CPLX2: variants seen among roughly 807,000 people sequenced by gnomAD.
CPLX2 encodes the protein complexin-2.
In CPLX2, 5 loss-of-function variants were observed where a neutral mutation model predicts 16.3. The ratio of observed to expected loss-of-function variants is 0.31; its 90% CI spans 0.16 to 0.64. CPLX2 has a LOEUF of 0.64. Ranked by LOEUF, CPLX2 falls within the 30% of genes least tolerant of loss-of-function variation. The pLI is 0.79. For missense variants in CPLX2, 144 were observed against 181.4 expected (o/e 0.79, Z 1.18); for synonymous variants, 89 against 73.2 (o/e 1.22, Z -1.10).
chr5:175,857,382 A>G (rs1387018808), intron 2 of CPLX2, among the ~76,000 whole-genome samples: 1 of 152,156 alleles, frequency 6.6e-6, no homozygotes, highest in Non-Finnish European at 1.5e-5. Context: ...ACTCTGAATT[A>G]TCTTTCCATT....
chr5:175,819,682 T>C (rs1031718016), intron 2 of CPLX2, among the ~76,000 whole-genome samples: 7 of 152,190 alleles, frequency 4.6e-5, no homozygotes. Flanking sequence ...CAGGGGCATC[T>C]CTTAGGTACC....
chr5:175,878,616 G>A, intron 1 of CPLX2, 36 bp from the exon 2 acceptor site: 2 of 1,095,270 alleles, frequency 1.8e-6, no homozygotes, highest in Middle Eastern at 2.8e-4. Flanking sequence ...CCTGTGCAGA[G>A]GCCTCTCCCA....
intron 2 of CPLX2, among the ~76,000 whole-genome samples, chr5:175,855,562 G>A (rs952696218): frequency 3.3e-5 from 5 of 152,332 alleles, no homozygotes; most frequent in African/African-American, 4.8e-5. Flanking sequence ...AAATGTGACC[G>A]AGGTTCAGCC....
At chr5:175,818,586 C>T (rs1043512898) in intron 2 of CPLX2, among the ~76,000 whole-genome samples, 4 of 150,076 alleles carry the variant, frequency 2.7e-5, no homozygotes, top group African/African-American at 4.9e-5. Context: ...CTTGCCATCA[C>T]GGAAGCTCCC....
chr5:175,815,248 C>T (rs550979968), intron 2 of CPLX2, among the ~76,000 whole-genome samples: 1 of 152,248 alleles, frequency 6.6e-6, no homozygotes, highest in South Asian at 2.1e-4. Flanking sequence ...GGCTGGGGGC[C>T]CTAGGGGAAG....
chr5:175,854,129 A>T (rs6860420), intron 2 of CPLX2, among the ~76,000 whole-genome samples: 11 of 151,994 alleles, frequency 7.2e-5, no homozygotes, highest in Non-Finnish European at 4.4e-5. Context: ...CCCTGTCCCC[A>T]GCACCCCTGA....
chr5:175,797,161 G>T (rs534439437), intron 1 of CPLX2, among the ~76,000 whole-genome samples: 1 of 152,214 alleles, frequency 6.6e-6, no homozygotes, highest in African/African-American at 2.4e-5. Context: ...CCGCGGCGGC[G>T]GACAGCTCTC....
chr5:175,856,136 TGCGACCTTG>T, intron 2 of CPLX2, among the ~76,000 whole-genome samples: 1 of 152,354 alleles, frequency 6.6e-6, no homozygotes, highest in South Asian at 2.1e-4. Flanking sequence ...CTTCTAGTTG[TGCGACCTTG>T]GCAAGTTTCC....
At chr5:175,859,785 C>T (rs1439555113) in intron 2 of CPLX2, among the ~76,000 whole-genome samples, 1 of 152,188 alleles carries the variant, frequency 6.6e-6, no homozygotes, top group East Asian at 1.9e-4. Context: ...GGTCAAGATG[C>T]AGCTTAGAGA....
intron 2 of CPLX2, among the ~76,000 whole-genome samples, chr5:175,847,917 T>A (rs1173019431): frequency 6.6e-6 from 1 of 152,250 alleles, no homozygotes; most frequent in African/African-American, 2.4e-5. Flanking sequence ...TTATGGCCTC[T>A]GATGCTGACA....
intron 2 of CPLX2, among the ~76,000 whole-genome samples, chr5:175,829,289 A>G (rs1397243977): frequency 2.0e-5 from 3 of 152,240 alleles, no homozygotes; most frequent in African/African-American, 7.2e-5. Flanking sequence ...CAATTGTCTG[A>G]AACCAGCTGG....
chr5:175,858,304 T>A (rs1266554838), intron 2 of CPLX2, among the ~76,000 whole-genome samples: 1 of 152,214 alleles, frequency 6.6e-6, no homozygotes, highest in Admixed American at 6.5e-5. Flanking sequence ...CATACCCACT[T>A]ACCCCTCTTC....
Position 175,880,378 on chromosome 5 carries a change from T to G in CPLX2, c.*333T>G. On this transcript the variant is annotated 3_prime_UTR_variant, in exon 4 of 4. Transcript: ENST00000393745. ...CTCCCCACTGCCAGGAGGACCACTG[T>G]CCCCAGCCAGCCAAAGTAATGACAC... The G allele has an allele frequency of 2.5e-6, 1 of 395,222 alleles. No individual in the cohort carries two copies. The highest frequency in any genetic ancestry group is 2.1e-5 in the South Asian group (1 of 47,562). 24.5% of individuals were successfully genotyped at this position (395,222 alleles called of 1,614,324 possible). A position where few individuals can be genotyped will look rare whatever the true frequency, so the allele number is the denominator to read the frequency against.
intron 2 of CPLX2, among the ~76,000 whole-genome samples, chr5:175,838,538 G>A (rs1051441366): frequency 1.3e-5 from 2 of 152,144 alleles, no homozygotes; most frequent in Non-Finnish European, 2.9e-5. Flanking sequence ...AAAAGTGCGC[G>A]TGAGCCACCG....
At chr5:175,808,009 C>G (rs7710549) in intron 1 of CPLX2, among the ~76,000 whole-genome samples, 92,354 of 152,070 alleles carry the variant, frequency 0.61, 28,718 homozygotes, top group East Asian at 0.71. Context: ...GCAGGGCTAT[C>G]GTTACTAAAA....
At position 175,878,969 on chromosome 5, in the gene CPLX2, G is replaced by A; in HGVS notation, c.93G>A (p.Gln31=). The change falls in exon 3 of 4, where the codon CAG becomes CAA. Residue 31 remains glutamine, a synonymous_variant. Coordinates refer to ENST00000393745, the MANE Select transcript of CPLX2 (RefSeq NM_001008220.2). ...GGEEEKDPDA[Q]KKEEERQEAL... is the part of the protein sequence containing the mutation. ...AGGAGGAGAAGGACCCCGACGCGCA[G>A]AAAAAGGAGGAGGAGCGGCAGGAGG... 1 of 1,609,280 alleles carries A rather than the reference G, an allele frequency of 6.2e-7. No homozygotes were observed. Among genetic ancestry groups the A allele is most frequent in the Non-Finnish European group, 8.5e-7 (1 of 1,177,956 alleles).
chr5:175,858,015 C>T (rs1759293453), intron 2 of CPLX2, among the ~76,000 whole-genome samples: 2 of 152,206 alleles, frequency 1.3e-5, no homozygotes, highest in African/African-American at 4.8e-5. Context: ...AACGTGCCTG[C>T]AAGGAAAGTG....
chr5:175,836,957 C>T (rs1485053674), intron 2 of CPLX2, among the ~76,000 whole-genome samples: 1 of 152,234 alleles, frequency 6.6e-6, no homozygotes, highest in Non-Finnish European at 1.5e-5. Flanking sequence ...TTCAGAGCTG[C>T]AAGATGCCAC....
intron 2 of CPLX2, among the ~76,000 whole-genome samples, chr5:175,842,597 T>C (rs1369363684): frequency 1.3e-5 from 2 of 152,210 alleles, no homozygotes; most frequent in African/African-American, 4.8e-5. Flanking sequence ...CAGCACCCCG[T>C]GGAAGGACGG....
Sources: allele counts gnomAD v4.1 joint callset (sites outside exome capture counted in the v4.1 genomes callset), GRCh38; gene constraint gnomAD v4.1.1; transcripts MANE v1.5; gene names NCBI Gene and HGNC (gene_info 2026-07-23, HGNC 2026-07-21).